Variants in WWTR1 observed in about 807,000 individuals in gnomAD.
WWTR1 encodes the protein WW domain containing transcription regulator 1, also known as WW domain-containing transcription regulator protein 1.
In WWTR1, 13 loss-of-function variants were observed where a neutral mutation model predicts 40.1. That is an observed-to-expected ratio of 0.32 (90% CI 0.21 to 0.52). WWTR1 has a LOEUF of 0.52. WWTR1 is among the 20% of genes least tolerant of loss of function. WWTR1 has a pLI of 0.97. For synonymous variants in WWTR1, 230 were observed against 210.1 expected, an observed-to-expected ratio of 1.09 and a Z score of -0.82; for missense variants, 436 against 523.1, an observed-to-expected ratio of 0.83 and a Z score of 1.63.
chr3:149,636,838 G>T lies in WWTR1; in HGVS notation c.431+20038C>A, dbSNP rs536537210. On this transcript the variant is annotated intron_variant, in intron 2 of 6. Coordinates refer to ENST00000360632, the MANE Select transcript of WWTR1 (RefSeq NM_015472.6). ...AAAAATTAGCTGGGTGTGGTGGCAGGTGCCTGTAACCCCAGCTACTCGGGA... is the reference window on the plus strand; with the variant it reads ...AAAAATTAGCTGGGTGTGGTGGCAGTTGCCTGTAACCCCAGCTACTCGGGA... Among the ~76,000 whole-genome samples the T allele has an allele frequency of 1.3e-4, 19 of 151,968 alleles. No individual in the cohort carries two copies. The East Asian group carries it at 3.7e-3, about 29-fold the overall frequency.
At chr3:149,599,112 A>G (rs1337937593) in intron 2 of WWTR1, among the ~76,000 whole-genome samples, 1 of 152,258 alleles carries the variant, frequency 6.6e-6, no homozygotes, top group Admixed American at 6.5e-5. Context: ...AAGGTCTACC[A>G]TAGGCACCTT....
In WWTR1 at chr3:149,657,904, T is replaced by C. The variant is rs1342441622; in HGVS notation, c.-143A>G. ...CTTGGCTGACAAATCCCGACCCGAC[T>C]CTGTGCCTGGCAGTCTAAGGGCTTC... On this transcript the variant is annotated 5_prime_UTR_variant, in exon 1 of 7. Coordinates refer to ENST00000360632, the MANE Select transcript of WWTR1 (RefSeq NM_015472.6). 6.5e-6 allele frequency: 1 copy of C among 153,260 alleles called. No homozygotes were observed. The highest frequency in any genetic ancestry group is 1.5e-5 in the Non-Finnish European group (1 of 68,954). 9.5% of individuals were successfully genotyped at this position (153,260 alleles called of 1,614,324 possible).
In WWTR1 at chr3:149,656,001, C is replaced by T. The variant is rs573398677; in HGVS notation, c.431+875G>A. Among the ~76,000 whole-genome samples, 19 of 152,300 alleles carry T rather than the reference C, an allele frequency of 1.2e-4. No individual in the cohort carries two copies. The East Asian group carries it at 3.5e-3, about 28-fold the overall frequency. On this transcript the variant is annotated intron_variant, in intron 2 of 6. Transcript: ENST00000360632. ...CTGGCACAACCTCCATCTTTGATAG[C>T]CTGACCCTATGACCTCAATGGAACA... is the stretch of plus-strand genomic sequence containing the variant.
chr3:149,595,582 A>T (rs907022749), intron 2 of WWTR1, among the ~76,000 whole-genome samples: 1 of 152,182 alleles, frequency 6.6e-6, no homozygotes, highest in African/African-American at 2.4e-5. Context: ...ATGGTGGGTC[A>T]TTACCCTATT....
chr3:149,663,869 C>T (rs1054518204), intron 2 of WWTR1, among the ~76,000 whole-genome samples: 2 of 152,240 alleles, frequency 1.3e-5, no homozygotes, highest in Admixed American at 1.3e-4. Context: ...CTGGACTCAA[C>T]TCTTTAACAA....
At chr3:149,681,965 A>C (rs541965307) in intron 1 of WWTR1, among the ~76,000 whole-genome samples, 1 of 152,338 alleles carries the variant, frequency 6.6e-6, no homozygotes, top group East Asian at 1.9e-4. Flanking sequence ...GCTGCTGTAC[A>C]ACATTGTGCC....
At chr3:149,720,068 GCTGT>G (rs1282157149) in intron 4 of WWTR1, among the ~76,000 whole-genome samples, 4 of 152,118 alleles carry the variant, frequency 2.6e-5, no homozygotes, top group East Asian at 3.9e-4. Flanking sequence ...AATTCTGTAG[GCTGT>G]CTTTCTATTC....
chr3:149,631,105 G>A (rs997319494), intron 2 of WWTR1, among the ~76,000 whole-genome samples: 1 of 152,138 alleles, frequency 6.6e-6, no homozygotes, highest in Non-Finnish European at 1.5e-5. Flanking sequence ...GGCAAGAGCT[G>A]TCCCCACTCA....
chr3:149,677,093 T>C (rs1338592447), intron 1 of WWTR1, among the ~76,000 whole-genome samples: 2 of 151,984 alleles, frequency 1.3e-5, no homozygotes, highest in East Asian at 3.9e-4. Flanking sequence ...ATTTTGTATT[T>C]TTAGGAGAGA....
chr3:149,642,845 C>A (rs1427905942), intron 2 of WWTR1, among the ~76,000 whole-genome samples: 1 of 151,680 alleles, frequency 6.6e-6, no homozygotes, highest in Non-Finnish European at 1.5e-5. Context: ...TCACATAATA[C>A]CTAAAACAAA....
chr3:149,558,539 C>A (rs6788170), intron 3 of WWTR1, among the ~76,000 whole-genome samples: 1 of 152,174 alleles, frequency 6.6e-6, no homozygotes, highest in East Asian at 1.9e-4. Context: ...CTGCTGCCCC[C>A]ACCCCACCTT....
rs935757376 is a variant in WWTR1, at chr3:149,657,473, C to A, written c.-3-164G>T. 7.4e-6 allele frequency: 6 copies of A among 808,592 alleles called. No individual in the cohort carries two copies. The African/African-American group carries it at 1.0e-4, about 14-fold the overall frequency. The allele number at this position is 808,592 out of a possible 1,614,324, so 50.1% of individuals were successfully genotyped here. A position where few individuals can be genotyped will look rare whatever the true frequency, so the allele number is the denominator to read the frequency against. On this transcript the variant is annotated intron_variant, in intron 1 of 6. Coordinates refer to ENST00000360632, the MANE Select transcript of WWTR1 (RefSeq NM_015472.6). ...AGATCCCAGACACTCAGCGGTAAGA[C>A]CAGCAGGATGGGGGAGGGGTCCCTC...
Position 149,533,676 on chromosome 3 carries a change from T to C in WWTR1, c.772-5707A>G, listed in dbSNP as rs553551638. Among the ~76,000 whole-genome samples, 37 of 152,294 alleles carry C rather than the reference T, an allele frequency of 2.4e-4. 1 individual carries two copies. Among genetic ancestry groups the C allele is most frequent in the East Asian group, 1.9e-3 (10 of 5,182 alleles). On this transcript the variant is annotated intron_variant, in intron 4 of 6. Transcript: ENST00000360632. ...AAAACTGTCTTTGGAACCAGAAAGA[T>C]TGGAGTTCAAATCCCAGTTCAGTTA...
chr3:149,689,296 G>C (rs768422569), intron 1 of WWTR1, among the ~76,000 whole-genome samples: 46 of 146,292 alleles, frequency 3.1e-4, no homozygotes, highest in Admixed American at 1.0e-3. Flanking sequence ...CAGGAAGATT[G>C]CTTGAGCCCA....
chr3:149,722,993 T>G lies in WWTR1; in HGVS notation n.459+1087A>C, dbSNP rs186739897. Among the ~76,000 whole-genome samples, 11 of 152,168 alleles carry G rather than the reference T, an allele frequency of 7.2e-5. No homozygotes were observed. The East Asian group carries it at 1.2e-3, about 16-fold the overall frequency. The stretch of plus-strand genomic sequence containing the variant: ...CAGTTGTTTGAAAGTCCTTGTCTAT[T>G]ACAACCATTTTTAGGTCTCTTTTAG... On this transcript the variant is annotated intron_variant and non_coding_transcript_variant, in intron 4 of 6. Transcript: ENST00000474080.
chr3:149,645,750 A>T (rs908411103), intron 2 of WWTR1, among the ~76,000 whole-genome samples: 4 of 152,194 alleles, frequency 2.6e-5, no homozygotes, highest in Non-Finnish European at 5.9e-5. Context: ...TAGGAGAAAG[A>T]TATTCAGTAT....
At chr3:149,609,280 A>G (rs536307440) in intron 2 of WWTR1, among the ~76,000 whole-genome samples, 97 of 152,226 alleles carry the variant, frequency 6.4e-4, no homozygotes, top group African/African-American at 2.3e-3. Flanking sequence ...TGGGTTAGCT[A>G]ATCATAATCG....
intron 2 of WWTR1, among the ~76,000 whole-genome samples, chr3:149,653,088 A>AT (rs1353159031): frequency 6.6e-6 from 1 of 152,216 alleles, no homozygotes; most frequent in Non-Finnish European, 1.5e-5. Context: ...TCTGAATTGT[A>AT]TTTAAGAGGA....
At chr3:149,543,954 G>C (rs1305107356) in intron 3 of WWTR1, among the ~76,000 whole-genome samples, 2 of 150,920 alleles carry the variant, frequency 1.3e-5, no homozygotes, top group Non-Finnish European at 2.9e-5. Flanking sequence ...TAAACATAGA[G>C]ACGAGGTTTC....
Sources: gnomAD v4.1 joint callset for allele counts (sites outside exome capture counted in the v4.1 genomes callset) on GRCh38, gnomAD v4.1.1 for gene constraint, MANE v1.5 for transcripts, NCBI Gene and HGNC (gene_info 2026-07-23, HGNC 2026-07-21) for gene names.